Variants in MLLT10 observed in about 807,000 individuals in gnomAD.
MLLT10 encodes protein AF-10.
Under a neutral mutation model 129.1 loss-of-function variants are expected in MLLT10, and 30 were observed. The ratio of observed to expected loss-of-function variants is 0.23; its 90% confidence interval spans 0.17 to 0.32. The LOEUF is 0.32. Ranked by LOEUF, MLLT10 falls within the 10% of genes least tolerant of loss-of-function variation. MLLT10 has a pLI of 1.00. For synonymous variants in MLLT10, 490 were observed against 446.4 expected (o/e 1.10, Z -1.23); for missense variants, 1,119 against 1,268.3 (o/e 0.88, Z 1.79).
At chr10:21,708,881 C>A in intron 13 of MLLT10, 1 of 400,734 alleles carries the variant, frequency 2.5e-6, no homozygotes, top group Non-Finnish European at 3.4e-6. Context: ...GCATTAACAC[C>A]AAAATGGCCG....
At chr10:21,720,304 A>G (rs1267816708) in intron 14 of MLLT10, among the ~76,000 whole-genome samples, 4 of 152,244 alleles carry the variant, frequency 2.6e-5, no homozygotes, top group Non-Finnish European at 5.9e-5. Flanking sequence ...GACAGCTTCA[A>G]CAGTCAGCCT....
Position 21,732,980 on chromosome 10 carries a change from A to G in MLLT10, c.2300A>G (p.Lys767Arg). The G allele has an allele frequency of 5.0e-6, 8 of 1,614,070 alleles. No homozygotes were observed. Among genetic ancestry groups the G allele is most frequent in the Non-Finnish European group, 6.8e-6 (8 of 1,179,982 alleles). The change falls in exon 18 of 23, where the codon AAA (lysine) becomes AGA (arginine). Residue 767 changes from lysine to arginine, a missense_variant. This residue lies in a region of MLLT10 where 1,004 missense variants were observed against 1,008.7 expected (regional missense o/e 1.00). Coordinates refer to ENST00000307729, the MANE Select transcript of MLLT10 (RefSeq NM_001195626.3). ...GAACAAATTAAAAACTTGACTGCCAAAAAGGAACGGCTTCAGTTATTGAAT... is the reference window on the plus strand; with the variant it reads ...GAACAAATTAAAAACTTGACTGCCAGAAAGGAACGGCTTCAGTTATTGAAT... ...LEEQIKNLTA[K>R]KERLQLLNAQ...
At chr10:21,665,293 G>T (rs963215678) in intron 9 of MLLT10, among the ~76,000 whole-genome samples, 8 of 65,440 alleles carry the variant, frequency 1.2e-4, no homozygotes, top group Admixed American at 3.2e-4. Flanking sequence ...TTGTTTGTTT[G>T]TTTTTTTTGG....
At chr10:21,714,880 A>G (rs2056415044) in intron 14 of MLLT10, among the ~76,000 whole-genome samples, 1 of 152,198 alleles carries the variant, frequency 6.6e-6, no homozygotes, top group Non-Finnish European at 1.5e-5. Context: ...CCTGTTTTAT[A>G]AAGAGGACAG....
At chr10:21,568,626 T>TATTA (rs2039857660) in intron 3 of MLLT10, among the ~76,000 whole-genome samples, 1 of 152,212 alleles carries the variant, frequency 6.6e-6, no homozygotes, top group African/African-American at 2.4e-5. Context: ...GGTTATTTTA[T>TATTA]TTTATTTCAT....
At chr10:21,547,386 T>C (rs1201698137) in intron 3 of MLLT10, among the ~76,000 whole-genome samples, 1 of 151,566 alleles carries the variant, frequency 6.6e-6, no homozygotes, top group African/African-American at 2.4e-5. Flanking sequence ...TTGTTGTCTT[T>C]ATTACTCTGC....
At chr10:21,720,080 TA>T (rs748602676) in intron 14 of MLLT10, among the ~76,000 whole-genome samples, 3 of 152,206 alleles carry the variant, frequency 2.0e-5, no homozygotes, top group Non-Finnish European at 4.4e-5. Context: ...GAAACCTACT[TA>T]GAATTTGTTG....
Position 21,673,411 on chromosome 10 carries a change from C to A in MLLT10, c.1113C>A (p.Pro371=), listed in dbSNP as rs778187736. ...CTTCTGGAAGTTCAGTGCAGTCTCC[C>A]CAGGATTTCCTGAGCTTTACAGACT... ...KSSSGSSVQS[P]QDFLSFTDSD... Residue 371 remains proline, a synonymous_variant, in exon 11 of 23, where the codon CCC becomes CCA. Transcript: ENST00000307729. The A allele has an allele frequency of 6.2e-7, 1 of 1,608,160 alleles. No individual in the cohort carries two copies.
At chr10:21,710,219 G>T (rs2055942747) in intron 13 of MLLT10, among the ~76,000 whole-genome samples, 1 of 152,018 alleles carries the variant, frequency 6.6e-6, no homozygotes, top group Non-Finnish European at 1.5e-5. Flanking sequence ...TTCCATTTTT[G>T]TTCCTTGGCC....
intron 13 of MLLT10, among the ~76,000 whole-genome samples, chr10:21,709,751 T>G (rs2055892325): frequency 6.6e-6 from 1 of 152,144 alleles, no homozygotes; most frequent in Non-Finnish European, 1.5e-5. Flanking sequence ...TTTCCTTTCT[T>G]TTTCTTTTTT....
chr10:21,715,917 C>T (rs2056517243), intron 14 of MLLT10, among the ~76,000 whole-genome samples: 1 of 152,142 alleles, frequency 6.6e-6, no homozygotes, highest in African/African-American at 2.4e-5. Flanking sequence ...ACTGAGATAC[C>T]TACATCTATG....
intron 8 of MLLT10, among the ~76,000 whole-genome samples, chr10:21,629,659 T>C (rs2046821346): frequency 6.6e-6 from 1 of 151,766 alleles, no homozygotes; most frequent in Non-Finnish European, 1.5e-5. Context: ...AATAAAAGAG[T>C]AGGTTGAGTA....
At chr10:21,710,054 A>G (rs2055923725) in intron 13 of MLLT10, among the ~76,000 whole-genome samples, 2 of 152,192 alleles carry the variant, frequency 1.3e-5, no homozygotes, top group Non-Finnish European at 2.9e-5. Flanking sequence ...TTCCTTTGAA[A>G]TTCTTAGAGC....
intron 14 of MLLT10, among the ~76,000 whole-genome samples, chr10:21,718,141 G>C (rs572356227): frequency 9.9e-5 from 15 of 152,012 alleles, no homozygotes; most frequent in African/African-American, 3.1e-4. Context: ...CACTGCGCCC[G>C]GCCTCTATTT....
intron 13 of MLLT10, among the ~76,000 whole-genome samples, chr10:21,698,391 G>T (rs952156104): frequency 7.9e-5 from 12 of 152,140 alleles, no homozygotes; most frequent in Non-Finnish European, 1.3e-4. Context: ...TGTTGGAAAT[G>T]ACATGATTTC....
chr10:21,636,287 A>T (rs1462266041), intron 8 of MLLT10, among the ~76,000 whole-genome samples: 4 of 151,980 alleles, frequency 2.6e-5, no homozygotes, highest in South Asian at 2.1e-4. Context: ...CTGCCTGGCT[A>T]AGTTTTTATA....
intron 13 of MLLT10, among the ~76,000 whole-genome samples, chr10:21,694,061 T>G (rs1036103231): frequency 6.6e-6 from 1 of 152,220 alleles, no homozygotes; most frequent in African/African-American, 2.4e-5. Flanking sequence ...TGAAGCAATC[T>G]CAAACTCATG....
At chr10:21,553,806 T>A (rs1012765777) in intron 3 of MLLT10, among the ~76,000 whole-genome samples, 1 of 152,018 alleles carries the variant, frequency 6.6e-6, no homozygotes, top group Non-Finnish European at 1.5e-5. Context: ...TGCGCCACCA[T>A]GCCTGGCTAA....
chr10:21,700,255 A>T (rs963064835), intron 13 of MLLT10, among the ~76,000 whole-genome samples: 17 of 151,840 alleles, frequency 1.1e-4, no homozygotes, highest in African/African-American at 3.6e-4. Context: ...ATCAGTTCTT[A>T]TAGTCTTTTG....
Sources: allele counts gnomAD v4.1 joint callset (sites outside exome capture counted in the v4.1 genomes callset), GRCh38; gene constraint gnomAD v4.1.1; regional missense constraint gnomAD v4.1.1; transcripts MANE v1.5; gene names NCBI Gene and HGNC (gene_info 2026-07-23, HGNC 2026-07-21).